RELA: variants seen among roughly 807,000 people sequenced by gnomAD.
RELA encodes the protein transcription factor p65.
RELA carries 14 observed loss-of-function variants against 56.7 expected under a neutral mutation model. The ratio of observed to expected loss-of-function variants is 0.25; its 90% CI spans 0.16 to 0.39. RELA has a LOEUF of 0.39. Among genes scored for constraint, RELA ranks in the 10% least tolerant of loss-of-function variants. The probability of loss-of-function intolerance (pLI) is 1.00; values close to 1 mark genes in which losing one functional copy is unlikely to be tolerated. For synonymous variants in RELA, 315 were observed against 289.7 expected (o/e 1.09, Z -0.89); for missense variants, 559 against 736.4 (o/e 0.76, Z 2.79).
At chr11:65,656,621 C>T (rs536536778) in intron 8 of RELA, among the ~76,000 whole-genome samples, 1 of 152,358 alleles carries the variant, frequency 6.6e-6, no homozygotes, top group South Asian at 2.1e-4. Flanking sequence ...ATGTGCCAGC[C>T]TCCCTTCTAG....
Position 65,658,772 on chromosome 11 carries a change from C to G in RELA, c.610G>C (p.Gly204Arg). The G allele has an allele frequency of 6.2e-7, 1 of 1,614,162 alleles. No homozygotes were observed. Among genetic ancestry groups the G allele is most frequent in the Non-Finnish European group, 8.5e-7 (1 of 1,180,026 alleles). ...LKICRVNRNS[G>R]SCLGGDEIFL... ...ATCTCATCCCCACCGAGGCAGCTGCCAGAGTTTCGGTTCACTCGGCAGATC... is the reference window on the plus strand; with the variant it reads ...ATCTCATCCCCACCGAGGCAGCTGCGAGAGTTTCGGTTCACTCGGCAGATC... The change falls in exon 7 of 11, where the codon GGC becomes CGC. Residue 204 changes from glycine to arginine, a missense_variant. Gly to Arg is a moderately radical substitution (Grantham distance 125). Around this residue, in one of 4 missense-constraint regions of RELA, gnomAD observed 149 missense variants for 256.0 expected, o/e 0.58. Transcript: ENST00000406246. This position sits in a 1 kb window ranked among gnomAD's most constrained non-coding sequence, Gnocchi z 4.5.
rs763490556 is a variant in RELA, at chr11:65,658,495, G to A, written c.669C>T (p.Asp223=). ...FLLCDKVQKE[D]IEVYFTGPGW... is the part of the protein sequence containing the mutation. ...CTGGTCCCGTGAAATACACCTCAAT[G>A]TCCTCTGCAGGAGATGCGGTGGCAG... Residue 223 remains aspartate (D), a synonymous_variant, in exon 8 of 11, where the codon GAC becomes GAT. Transcript: ENST00000406246. This position sits in a 1 kb window ranked among gnomAD's most constrained non-coding sequence, Gnocchi z 4.5. 8 of 1,601,812 alleles carry A rather than the reference G, an allele frequency of 5.0e-6. No homozygotes were observed. The highest frequency in any genetic ancestry group is 2.2e-5 in the East Asian group (1 of 44,652).
At chr11:65,663,300 G>C (rs1320970988), upstream of RELA, among the ~76,000 whole-genome samples, 1 of 152,228 alleles carries the variant, frequency 6.6e-6, no homozygotes, top group African/African-American at 2.4e-5. Flanking sequence ...GGAAAAGCCC[G>C]ACCGGGCCTT....
chr11:65,663,393 A>G (rs1856623502), upstream of RELA, among the ~76,000 whole-genome samples: 2 of 152,212 alleles, frequency 1.3e-5, no homozygotes, highest in Admixed American at 6.5e-5. Context: ...CTGTCTCAGA[A>G]GCACGTTAAA....
intron 2 of RELA, 32 bp downstream of exon 2, chr11:65,662,147 G>A (rs767696693): frequency 6.3e-7 from 1 of 1,592,142 alleles, no homozygotes; most frequent in Non-Finnish European, 8.5e-7. Flanking sequence ...ACCCCAGGGA[G>A]CACCTCCCCG....
intron 10 of RELA, chr11:65,655,422 C>T: frequency 6.8e-6 from 4 of 584,856 alleles, no homozygotes; most frequent in Non-Finnish European, 9.1e-6. Context: ...ATTTTTGTTC[C>T]CCCAATTCAA....
chr11:65,655,336 AGCAGCGGCCTGAAGT>A (rs1856395693), intron 10 of RELA: 1 of 569,158 alleles, frequency 1.8e-6, no homozygotes, highest in Non-Finnish European at 3.1e-6. Context: ...GCACCAAGTG[AGCAGCGGCCTGAAGT>A]GCAGAGCTTG....
chr11:65,656,273 G>C (rs1173266353), intron 8 of RELA, among the ~76,000 whole-genome samples: 1 of 152,180 alleles, frequency 6.6e-6, no homozygotes, highest in Non-Finnish European at 1.5e-5. Flanking sequence ...CCTCCACCCA[G>C]GCCTGGCGAG....
intron 1 of RELA, 107 bp from the exon 2 acceptor site, chr11:65,662,312 T>C (rs924270342): frequency 7.4e-6 from 10 of 1,346,564 alleles, no homozygotes; most frequent in East Asian, 2.7e-5. Context: ...CCAGGGGAAC[T>C]GAGTCAGGAC....
In RELA at chr11:65,658,187, C is replaced by T. The variant is rs937680653; in HGVS notation, c.877+100G>A. 8.2e-6 allele frequency: 7 copies of T among 855,400 alleles called. No individual in the cohort carries two copies. In the Admixed American group the frequency reaches 1.5e-4, roughly 18 times the overall value. The allele number at this position is 855,400 out of a possible 1,614,324, so 53.0% of individuals were successfully genotyped here. A position where few individuals can be genotyped will look rare whatever the true frequency, so the allele number is the denominator to read the frequency against. ...TTTCTTGGATCCCAAGCTCTGACTC[C>T]AGCTTCTGGCCCTCAACCACAGCCC... On this transcript the variant is annotated intron_variant, in intron 8 of 10. Coordinates refer to ENST00000406246, the MANE Select transcript of RELA (RefSeq NM_021975.4). This position sits in a 1 kb window ranked among gnomAD's most constrained non-coding sequence, Gnocchi z 4.5.
At chr11:65,655,074 C>T (rs1337610753) in intron 10 of RELA, 74 bp from the exon 11 acceptor site, 4 of 1,206,378 alleles carry the variant, frequency 3.3e-6, no homozygotes, top group Admixed American at 2.0e-5. Flanking sequence ...TACCCCAGCC[C>T]CTCTTCATGG....
chr11:65,660,218 G>A lies in RELA; in HGVS notation c.336-3C>T, dbSNP rs777778432. 5.6e-6 allele frequency: 9 copies of A among 1,613,936 alleles called. No individual in the cohort carries two copies. The African/African-American group carries it at 6.7e-5, about 12-fold the overall frequency. ...ACTGGATTCCCAGGTTCTGGAAACT[G>A]AGCGCCCCCAGTCGTCTGTCCCACT... On this transcript the variant is annotated splice_region_variant and splice_polypyrimidine_tract_variant and intron_variant, in intron 4 of 10. Transcript: ENST00000406246.
chr11:65,655,067 C>T, intron 10 of RELA, 67 bp from the exon 11 acceptor site: 1 of 1,267,368 alleles, frequency 7.9e-7, no homozygotes, highest in Non-Finnish European at 1.1e-6. Flanking sequence ...TCCTCTGTAC[C>T]CCAGCCCCTC....
intron 5 of RELA, 55 bp downstream of exon 5, chr11:65,660,069 G>T: frequency 2.0e-6 from 3 of 1,534,152 alleles, no homozygotes; most frequent in East Asian, 2.2e-5. Context: ...TGCAGGAAAG[G>T]CGGGCTGGGG....
In RELA at chr11:65,661,442, C is replaced by T; in HGVS notation, c.335+245G>A. On this transcript the variant is annotated intron_variant, in intron 4 of 10. Coordinates refer to ENST00000406246, the MANE Select transcript of RELA (RefSeq NM_021975.4). ...ACGTGACTCTGAGGGACTTGTCCTT[C>T]CAGCTACAGGGGTCAGGAATTCAGA... 4 of 409,478 alleles carry T rather than the reference C, an allele frequency of 9.8e-6. 1 individual carries two copies. 25.4% of individuals were successfully genotyped at this position (409,478 alleles called of 1,614,324 possible).
At chr11:65,656,080 T>A (rs1056508348) in intron 8 of RELA, 145 bp from the exon 9 acceptor site, 26 of 728,574 alleles carry the variant, frequency 3.6e-5, no homozygotes, top group Non-Finnish European at 5.6e-5. Context: ...AAGGGATGTG[T>A]GACACTCAGC....
In RELA at chr11:65,655,713, G is replaced by T. The variant is rs763729954; in HGVS notation, c.1008C>A (p.Arg336=). Residue 336 remains arginine (R), a synonymous_variant, in exon 10 of 11, where the codon CGC becomes CGA. Coordinates refer to ENST00000406246, the MANE Select transcript of RELA (RefSeq NM_021975.4). The part of the protein sequence containing the change: ...PPPRRIAVPS[R]SSASVPKPAP... ...CTGGCTTGGGGACAGAAGCTGAGCT[G>T]CGGGAAGGCACAGCAATGCGTCGAG... The T allele has an allele frequency of 4.3e-6, 7 of 1,613,964 alleles. No homozygotes were observed. Among genetic ancestry groups the T allele is most frequent in the Non-Finnish European group, 5.1e-6 (6 of 1,179,984 alleles).
In RELA at chr11:65,654,133, G is replaced by A; in HGVS notation, c.*245C>T. On this transcript the variant is annotated 3_prime_UTR_variant, in exon 11 of 11. Transcript: ENST00000406246. Reference sequence around the variant, plus strand: ...AAGGGAGCTGACCATCAGGACAGGGGAAAAGTTTGAGTTTCCCCAGCTCCC... The same window carrying A: ...AAGGGAGCTGACCATCAGGACAGGGAAAAAGTTTGAGTTTCCCCAGCTCCC... 1 of 572,404 alleles carries A rather than the reference G, an allele frequency of 1.7e-6. No individual in the cohort carries two copies. Among genetic ancestry groups the A allele is most frequent in the Non-Finnish European group, 3.2e-6 (1 of 317,110 alleles). 35.5% of individuals were successfully genotyped at this position (572,404 alleles called of 1,614,324 possible).
intron 8 of RELA, among the ~76,000 whole-genome samples, chr11:65,656,740 C>A (rs184118246): frequency 7.9e-5 from 12 of 152,248 alleles, no homozygotes; most frequent in South Asian, 4.2e-4. Context: ...ACCAGAAAAT[C>A]TCGGCCAGGC....
Sources: allele counts gnomAD v4.1 joint callset (sites outside exome capture counted in the v4.1 genomes callset), GRCh38; gene constraint gnomAD v4.1.1; regional missense constraint gnomAD v4.1.1; non-coding constraint Gnocchi (gnomAD v3.1); transcripts MANE v1.5; gene names NCBI Gene and HGNC (gene_info 2026-07-23, HGNC 2026-07-21).